CEP128: variants seen among roughly 807,000 people sequenced by gnomAD.
CEP128 encodes the protein centrosomal protein 128.
CEP128 carries 132 observed loss-of-function variants against 156.7 expected under a neutral mutation model. The observed-to-expected ratio is 0.84, with a 90% CI of 0.73 to 0.97. The LOEUF (loss-of-function observed/expected upper bound fraction) is 0.97, where lower values mean the gene tolerates loss of function less well. Ranked by LOEUF, CEP128 falls within the 50% of genes least tolerant of loss-of-function variation. The pLI, the probability that CEP128 is intolerant of heterozygous loss-of-function variation, is 0.00. For synonymous variants in CEP128, 469 were observed against 448.9 expected, an observed-to-expected ratio of 1.04 and a Z score of -0.57; for missense variants, 1,252 against 1,281.9, an observed-to-expected ratio of 0.98 and a Z score of 0.36.
At chr14:80,611,935 G>A (rs1247180799) in intron 19 of CEP128, among the ~76,000 whole-genome samples, 1 of 152,152 alleles carries the variant, frequency 6.6e-6, no homozygotes, top group Non-Finnish European at 1.5e-5. Context: ...GCCTGTGCCT[G>A]TAATCCCACC....
chr14:80,939,938 C>T (rs1886055508), intron 1 of CEP128, among the ~76,000 whole-genome samples: 1 of 152,192 alleles, frequency 6.6e-6, no homozygotes. Context: ...TCTAACACTC[C>T]TAAAGGAAAT....
chr14:80,827,094 A>T (rs1885522569), intron 13 of CEP128, among the ~76,000 whole-genome samples: 1 of 152,224 alleles, frequency 6.6e-6, no homozygotes, highest in African/African-American at 2.4e-5. Context: ...ATGTAAAACA[A>T]CTGCTTGAAA....
chr14:80,933,805 G>A (rs963757792), intron 2 of CEP128, among the ~76,000 whole-genome samples: 2 of 152,190 alleles, frequency 1.3e-5, no homozygotes, highest in East Asian at 1.9e-4. Context: ...AGGTGAGGAC[G>A]ATGCCAGGTT....
rs143256452 is a variant in CEP128 at position 80,834,971 on chromosome 14, T to C, written c.1057+1234A>G. On this transcript the variant is annotated intron_variant, in intron 12 of 24. Coordinates refer to ENST00000555265, the MANE Select transcript of CEP128 (RefSeq NM_152446.5). ...GGAGATGGGGCCTACTGGGAGGTGT[T>C]TGGGTCACGTAGACAGGTCCCTCAT... 6.4e-3 allele frequency among the ~76,000 whole-genome samples: 975 copies of C among 152,270 alleles called. 12 individuals carry two copies. Among genetic ancestry groups the C allele is most frequent in the African/African-American group, 0.022 (929 of 41,562 alleles).
chr14:80,881,863 T>A (rs1036200983), intron 8 of CEP128, among the ~76,000 whole-genome samples: 1 of 152,028 alleles, frequency 6.6e-6, no homozygotes, highest in Admixed American at 6.5e-5. Flanking sequence ...GGAATATACC[T>A]CAACATAAGA....
intron 13 of CEP128, among the ~76,000 whole-genome samples, chr14:80,806,152 A>G (rs1490337587): frequency 1.3e-5 from 2 of 152,166 alleles, no homozygotes; most frequent in Non-Finnish European, 2.9e-5. Context: ...ACACACAAAC[A>G]ATATCAATCC....
At chr14:80,830,053 C>T (rs565420129) in intron 13 of CEP128, 476 of 394,970 alleles carry the variant, frequency 1.2e-3, no homozygotes, top group Non-Finnish European at 1.8e-3. Flanking sequence ...TTTTTAAATA[C>T]GTGACTTCAG....
intron 14 of CEP128, among the ~76,000 whole-genome samples, chr14:80,792,185 T>G (rs1381765176): frequency 6.6e-6 from 1 of 152,210 alleles, no homozygotes; most frequent in Non-Finnish European, 1.5e-5. Context: ...GAAATGCGTT[T>G]TGTTGCTATC....
intron 9 of CEP128, among the ~76,000 whole-genome samples, chr14:80,859,751 C>T (rs1222716654): frequency 6.6e-6 from 1 of 152,008 alleles, no homozygotes; most frequent in Non-Finnish European, 1.5e-5. Flanking sequence ...TTTCCCTTGA[C>T]CAATTTCCAA....
intron 19 of CEP128, among the ~76,000 whole-genome samples, chr14:80,667,343 G>A (rs1302494267): frequency 2.0e-5 from 3 of 152,132 alleles, no homozygotes; most frequent in African/African-American, 7.2e-5. Flanking sequence ...TGTGAATCCA[G>A]CAAATAAATT....
intron 6 of CEP128, chr14:80,490,850 T>C (rs910844595): frequency 6.6e-6 from 1 of 152,166 alleles, no homozygotes; most frequent in Non-Finnish European, 1.5e-5. Flanking sequence ...TATTATAAAA[T>C]GAATGTCAAG....
In CEP128 at chr14:80,886,774, T is replaced by A. The variant is rs572251751; in HGVS notation, c.645+8944A>T. On this transcript the variant is annotated intron_variant, in intron 8 of 24. Coordinates refer to ENST00000555265, the MANE Select transcript of CEP128 (RefSeq NM_152446.5). ...ATAATGACAGGATCAAATTCACACA[T>A]AACAATATTAACCTTAAATGTAAAT... Among the ~76,000 whole-genome samples the A allele has an allele frequency of 4.6e-5, 7 of 152,232 alleles. No individual in the cohort carries two copies. The East Asian group carries it at 5.8e-4, about 13-fold the overall frequency.
chr14:80,480,200 T>C (rs1347334531), intron 14 of CEP128, among the ~76,000 whole-genome samples: 2 of 152,160 alleles, frequency 1.3e-5, no homozygotes, highest in Non-Finnish European at 2.9e-5. Context: ...GGACTCTGTG[T>C]GGGGGCTCTG....
intron 18 of CEP128, among the ~76,000 whole-genome samples, chr14:80,751,046 A>G (rs1899363885): frequency 6.6e-6 from 1 of 152,214 alleles, no homozygotes; most frequent in African/African-American, 2.4e-5. Flanking sequence ...GAAGGTGGCC[A>G]TCTATGAGCC....
At chr14:80,958,929 C>T (rs1377864140) in intron 1 of CEP128, among the ~76,000 whole-genome samples, 1 of 152,164 alleles carries the variant, frequency 6.6e-6, no homozygotes, top group African/African-American at 2.4e-5. Context: ...ATTACTTCTG[C>T]AACCTTCATT....
intron 19 of CEP128, among the ~76,000 whole-genome samples, chr14:80,610,033 G>T (rs1051105206): frequency 2.6e-5 from 4 of 152,064 alleles, no homozygotes; most frequent in Non-Finnish European, 5.9e-5. Context: ...ATGTGTGTGT[G>T]CATGCATACA....
chr14:80,824,420 G>A (rs1465563453), intron 13 of CEP128, among the ~76,000 whole-genome samples: 1 of 152,206 alleles, frequency 6.6e-6, no homozygotes, highest in African/African-American at 2.4e-5. Flanking sequence ...TTGTCAGGCT[G>A]CAAATTCTCC....
chr14:80,874,022 T>C (rs1345795381), intron 8 of CEP128, among the ~76,000 whole-genome samples: 1 of 152,118 alleles, frequency 6.6e-6, no homozygotes, highest in Non-Finnish European at 1.5e-5. Context: ...ACCTCTTTCT[T>C]TTGTAAATTG....
intron 23 of CEP128, among the ~76,000 whole-genome samples, chr14:80,518,259 C>T (rs112626511): frequency 0.075 from 11,400 of 151,354 alleles, 648 homozygotes; most frequent in African/African-American, 0.16. Flanking sequence ...TACTACCTGA[C>T]TGGTCGGGTG....
Sources: allele counts gnomAD v4.1 joint callset (sites outside exome capture counted in the v4.1 genomes callset), GRCh38; gene constraint gnomAD v4.1.1; transcripts MANE v1.5; gene names NCBI Gene and HGNC (gene_info 2026-07-23, HGNC 2026-07-21).